The following SHANK2 variants were observed in gnomAD, a reference collection of about 807,000 sequenced individuals.
SHANK2 encodes SH3 and multiple ankyrin repeat domains protein 2.
Under a neutral mutation model 133.7 loss-of-function variants are expected in SHANK2, and 43 were observed. The observed-to-expected ratio is 0.32, with a 90% CI of 0.25 to 0.41. SHANK2 has a LOEUF of 0.41. Ranked by LOEUF, SHANK2 falls within the 10% of genes least tolerant of loss-of-function variation. SHANK2 has a pLI of 1.00. For missense variants in SHANK2, 1,994 were observed against 2,235.8 expected, an observed-to-expected ratio of 0.89 and a Z score of 2.18; for synonymous variants, 1,017 against 952.8, an observed-to-expected ratio of 1.07 and a Z score of -1.24.
chr11:71,111,278 G>A (rs1951888177), intron 5 of SHANK2, among the ~76,000 whole-genome samples: 1 of 152,204 alleles, frequency 6.6e-6, no homozygotes, highest in Non-Finnish European at 1.5e-5. Context: ...CCCAGGGAGT[G>A]AGGCCCGCAG....
chr11:70,699,037 G>C (rs1427418775), intron 14 of SHANK2, among the ~76,000 whole-genome samples: 1 of 152,136 alleles, frequency 6.6e-6, no homozygotes, highest in Non-Finnish European at 1.5e-5. Flanking sequence ...GCTCACAGAG[G>C]AGGCAGGAGG....
At chr11:70,767,930 T>A (rs985718925) in intron 14 of SHANK2, among the ~76,000 whole-genome samples, 1 of 152,162 alleles carries the variant, frequency 6.6e-6, no homozygotes, top group Non-Finnish European at 1.5e-5. Flanking sequence ...CTTCTTGCAC[T>A]CAGATTACCA....
intron 1 of SHANK2, among the ~76,000 whole-genome samples, chr11:71,228,849 C>G (rs1479706134): frequency 1.3e-5 from 2 of 151,936 alleles, no homozygotes; most frequent in African/African-American, 4.8e-5. Flanking sequence ...AAATCTTTAA[C>G]AAAGGAGTAA....
chr11:70,580,755 G>T (rs1554985260), intron 17 of SHANK2, among the ~76,000 whole-genome samples: 3 of 152,256 alleles, frequency 2.0e-5, no homozygotes, highest in East Asian at 3.9e-4. Flanking sequence ...GGCGGGAACA[G>T]CGAGGCCAGC....
intron 14 of SHANK2, among the ~76,000 whole-genome samples, chr11:70,718,866 G>A (rs926249740): frequency 5.3e-5 from 8 of 152,164 alleles, no homozygotes; most frequent in Admixed American, 1.3e-4. Flanking sequence ...GTGTATGGCA[G>A]GGAGGCAGCC....
At chr11:70,534,083 G>A (rs530275904) in intron 17 of SHANK2, among the ~76,000 whole-genome samples, 1 of 152,330 alleles carries the variant, frequency 6.6e-6, no homozygotes, top group Admixed American at 6.5e-5. Context: ...GCTAGGCGCT[G>A]CCCTAGAGGG....
intron 2 of SHANK2, among the ~76,000 whole-genome samples, chr11:71,197,020 C>A (rs1189799621): frequency 4.3e-5 from 6 of 139,118 alleles, no homozygotes; most frequent in Non-Finnish European, 6.2e-5. Context: ...AAAAAAAAAA[C>A]CCATCCCTGC....
intron 15 of SHANK2, among the ~76,000 whole-genome samples, chr11:70,691,962 C>A (rs2134447773): frequency 6.6e-6 from 1 of 152,170 alleles, no homozygotes; most frequent in East Asian, 1.9e-4. Flanking sequence ...GTGAAATAAT[C>A]TCTTGCCCTG....
intron 10 of SHANK2, among the ~76,000 whole-genome samples, chr11:70,936,269 T>G (rs1950569704): frequency 1.3e-5 from 2 of 152,156 alleles, no homozygotes; most frequent in African/African-American, 4.8e-5. Context: ...CCCAGCACTT[T>G]GGGAGGCCTA....
At chr11:71,181,340 A>G (rs1446498240) in intron 2 of SHANK2, among the ~76,000 whole-genome samples, 1 of 152,110 alleles carries the variant, frequency 6.6e-6, no homozygotes, top group Non-Finnish European at 1.5e-5. Flanking sequence ...GGCCTTTAAG[A>G]ATGGCAATGA....
At chr11:70,847,822 G>A (rs1949018992) in intron 11 of SHANK2, among the ~76,000 whole-genome samples, 1 of 152,224 alleles carries the variant, frequency 6.6e-6, no homozygotes. Context: ...CCAAGAGCCA[G>A]TCCAGGGCCT....
chr11:70,534,379 A>G (rs376948944), intron 17 of SHANK2, among the ~76,000 whole-genome samples: 49 of 152,266 alleles, frequency 3.2e-4, no homozygotes, highest in African/African-American at 1.1e-3. Context: ...CCATGATTCA[A>G]TTACTTCCCA....
At chr11:71,214,357 C>T (rs1555119345) in intron 2 of SHANK2, among the ~76,000 whole-genome samples, 1 of 152,234 alleles carries the variant, frequency 6.6e-6, no homozygotes, top group East Asian at 1.9e-4. Context: ...TGGCTCCCCT[C>T]TGGACCTCCC....
intron 14 of SHANK2, among the ~76,000 whole-genome samples, chr11:70,737,125 C>T (rs1946423068): frequency 6.6e-6 from 1 of 152,204 alleles, no homozygotes; most frequent in South Asian, 2.1e-4. Context: ...ACTCCTGGGA[C>T]TGCCAGCCCT....
chr11:70,895,824 T>C (rs1472339588), intron 11 of SHANK2, among the ~76,000 whole-genome samples: 1 of 152,102 alleles, frequency 6.6e-6, no homozygotes, highest in Non-Finnish European at 1.5e-5. Flanking sequence ...GTTTGATTTC[T>C]TTTCTTTTTA....
intron 17 of SHANK2, among the ~76,000 whole-genome samples, chr11:70,579,407 A>G (rs1358170864): frequency 6.6e-6 from 1 of 152,254 alleles, no homozygotes; most frequent in Non-Finnish European, 1.5e-5. Context: ...AGCTGGCACT[A>G]CATCCCTTCC....
chr11:70,847,766 G>A (rs1367179825), intron 11 of SHANK2, among the ~76,000 whole-genome samples: 4 of 152,186 alleles, frequency 2.6e-5, no homozygotes, highest in African/African-American at 9.6e-5. Context: ...CTTTGCCTGG[G>A]GTGCCCCCAC....
chr11:70,644,579 C>A (rs991460196), intron 17 of SHANK2, among the ~76,000 whole-genome samples: 1 of 152,228 alleles, frequency 6.6e-6, no homozygotes, highest in Non-Finnish European at 1.5e-5. Flanking sequence ...AGCCCTCCCG[C>A]ATGGCAGCTC....
intron 2 of SHANK2, among the ~76,000 whole-genome samples, chr11:71,195,345 T>C (rs1311036169): frequency 6.6e-6 from 1 of 151,494 alleles, no homozygotes; most frequent in Non-Finnish European, 1.5e-5. Flanking sequence ...TGAGCCGAGA[T>C]GGCGCCACTG....
Sources: allele counts gnomAD v4.1 joint callset (sites outside exome capture counted in the v4.1 genomes callset), GRCh38; gene constraint gnomAD v4.1.1; transcripts MANE v1.5; gene names NCBI Gene and HGNC (gene_info 2026-07-23, HGNC 2026-07-21).